SCLT1: variants seen among roughly 807,000 people sequenced by gnomAD.
SCLT1 encodes sodium channel-associated protein 1.
SCLT1 carries 78 observed loss-of-function variants against 112.8 expected under a neutral mutation model. That is an observed-to-expected ratio of 0.69 (90% CI 0.58 to 0.83). SCLT1 has a LOEUF of 0.83. Ranked by LOEUF, SCLT1 falls within the 40% of genes least tolerant of loss-of-function variation. SCLT1 has a pLI of 0.00. For missense variants in SCLT1, 747 were observed against 770.4 expected, an observed-to-expected ratio of 0.97 and a Z score of 0.36; for synonymous variants, 257 against 254.7, an observed-to-expected ratio of 1.01 and a Z score of -0.09.
intron 2 of SCLT1, among the ~76,000 whole-genome samples, chr4:129,053,816 T>C (rs1338084442): frequency 6.6e-6 from 1 of 152,092 alleles, no homozygotes; most frequent in Admixed American, 6.5e-5. Context: ...CTGGTTATTT[T>C]GCCCATTAGT....
intron 5 of SCLT1, chr4:129,037,504 T>G (rs1381916628): frequency 3.3e-5 from 5 of 152,166 alleles, no homozygotes; most frequent in Non-Finnish European, 5.9e-5. Flanking sequence ...CCTATGACCC[T>G]TTTTCCAATA....
intron 1 of SCLT1, among the ~76,000 whole-genome samples, chr4:129,089,791 C>G (rs531547438): frequency 6.6e-6 from 1 of 152,250 alleles, no homozygotes; most frequent in South Asian, 2.1e-4. Context: ...CATATTCTCA[C>G]TCATAAGTGG....
intron 18 of SCLT1, among the ~76,000 whole-genome samples, chr4:128,918,859 A>G (rs1268240725): frequency 6.6e-6 from 1 of 152,228 alleles, no homozygotes; most frequent in African/African-American, 2.4e-5. Flanking sequence ...AAAAGGTTCA[A>G]TTCAACAAGA....
intron 5 of SCLT1, among the ~76,000 whole-genome samples, chr4:129,030,329 TA>T (rs1466149632): frequency 6.6e-6 from 1 of 152,202 alleles, no homozygotes; most frequent in African/African-American, 2.4e-5. Flanking sequence ...GAGGGAAATT[TA>T]TAGCACTAAA....
chr4:128,884,539 GC>G lies in SCLT1; in HGVS notation c.2005-1del. 1 of 1,591,038 alleles carries G rather than the reference GC, an allele frequency of 6.3e-7. No homozygotes were observed. ...CTTCTCTGCACTGTAATCACACTGA[GC>G]TGCAATTAAAATAAACAATCGGTAA... On this transcript the variant is annotated splice_acceptor_variant, in intron 20 of 20. Coordinates refer to ENST00000281142, the MANE Select transcript of SCLT1 (RefSeq NM_144643.4). LOFTEE classifies it high-confidence loss of function.
chr4:129,035,535 T>G (rs1195911094), intron 5 of SCLT1, among the ~76,000 whole-genome samples: 1 of 151,836 alleles, frequency 6.6e-6, no homozygotes, highest in Non-Finnish European at 1.5e-5. Flanking sequence ...TGTGACTATG[T>G]ATGAAGGAAA....
chr4:128,935,600 T>A (rs1015435044), intron 18 of SCLT1, among the ~76,000 whole-genome samples: 2 of 152,100 alleles, frequency 1.3e-5, no homozygotes, highest in Non-Finnish European at 2.9e-5. Flanking sequence ...AAAGATTAAG[T>A]ACATGTAAGT....
At chr4:128,895,116 G>T (rs1733636396) in intron 18 of SCLT1, among the ~76,000 whole-genome samples, 1 of 152,136 alleles carries the variant, frequency 6.6e-6, no homozygotes, top group South Asian at 2.1e-4. Context: ...TAGAGTTATT[G>T]TAATAACGAG....
chr4:128,883,257 A>G (rs1732687352), downstream of SCLT1, among the ~76,000 whole-genome samples: 1 of 151,920 alleles, frequency 6.6e-6, no homozygotes, highest in African/African-American at 2.4e-5. Flanking sequence ...AAGTCAGAGC[A>G]TAAGAAATGG....
intron 9 of SCLT1, among the ~76,000 whole-genome samples, chr4:128,991,295 C>T (rs1378484768): frequency 6.6e-6 from 1 of 151,222 alleles, no homozygotes; most frequent in East Asian, 1.9e-4. Context: ...CATTTTCAAC[C>T]CCTATCTCTT....
chr4:128,976,572 T>C (rs534841832), intron 9 of SCLT1, among the ~76,000 whole-genome samples: 6 of 152,220 alleles, frequency 3.9e-5, no homozygotes, highest in Non-Finnish European at 8.8e-5. Flanking sequence ...TAGATGATCA[T>C]ATCTACCTTA....
intron 2 of SCLT1, among the ~76,000 whole-genome samples, chr4:129,064,498 T>C (rs939447068): frequency 2.0e-5 from 3 of 152,178 alleles, no homozygotes; most frequent in African/African-American, 7.2e-5. Context: ...CATTTTCGTA[T>C]AAGTTTTGAG....
At chr4:128,913,431 T>C (rs1159331570) in intron 18 of SCLT1, among the ~76,000 whole-genome samples, 1 of 151,772 alleles carries the variant, frequency 6.6e-6, no homozygotes, top group African/African-American at 2.4e-5. Context: ...GGGGGAGGAG[T>C]TGCAAAAAGA....
chr4:128,973,235 T>C (rs1441640183), intron 9 of SCLT1, among the ~76,000 whole-genome samples: 1 of 152,128 alleles, frequency 6.6e-6, no homozygotes, highest in African/African-American at 2.4e-5. Context: ...GAACACACTG[T>C]ATTGTAATCA....
intron 18 of SCLT1, among the ~76,000 whole-genome samples, chr4:128,891,464 A>T (rs1191486419): frequency 1.3e-5 from 2 of 152,118 alleles, no homozygotes; most frequent in African/African-American, 4.8e-5. Flanking sequence ...AATTTTATGT[A>T]TATTTTGCCA....
intron 18 of SCLT1, among the ~76,000 whole-genome samples, chr4:128,933,838 T>C (rs1736973017): frequency 6.6e-6 from 1 of 152,032 alleles, no homozygotes. Flanking sequence ...CCTTATCCTA[T>C]AATTATAAGT....
intron 5 of SCLT1, among the ~76,000 whole-genome samples, chr4:129,004,440 G>C (rs1050226210): frequency 6.6e-6 from 1 of 151,696 alleles, no homozygotes; most frequent in Admixed American, 6.6e-5. Context: ...AATACTGAAA[G>C]GCTTAAAATT....
Position 129,093,290 on chromosome 4 carries a change from A to G in SCLT1, c.-187T>C. 1 of 619,694 alleles carries G rather than the reference A, an allele frequency of 1.6e-6. No individual in the cohort carries two copies. Among genetic ancestry groups the G allele is most frequent in the African/African-American group, 1.8e-5 (1 of 54,362 alleles). The allele number at this position is 619,694 out of a possible 1,614,324, so 38.4% of individuals were successfully genotyped here. A position where few individuals can be genotyped will look rare whatever the true frequency, so the allele number is the denominator to read the frequency against. ...CACGCTTCTTTCCCCCGCGCCCCAG[A>G]CGAGTCCCTGGCCCTGGTGAGAGAC... On this transcript the variant is annotated 5_prime_UTR_variant, in exon 1 of 21. Transcript: ENST00000281142.
chr4:128,931,335 A>G (rs1367939620), intron 18 of SCLT1, among the ~76,000 whole-genome samples: 1 of 152,090 alleles, frequency 6.6e-6, no homozygotes, highest in Non-Finnish European at 1.5e-5. Context: ...CTAAAAAGGA[A>G]CTGCCTTTTG....
Sources: allele counts gnomAD v4.1 joint callset (sites outside exome capture counted in the v4.1 genomes callset), GRCh38; gene constraint gnomAD v4.1.1; transcripts MANE v1.5; gene names NCBI Gene and HGNC (gene_info 2026-07-23, HGNC 2026-07-21).